Variants in PLEKHA8 observed in about 807,000 individuals in gnomAD.
PLEKHA8 encodes the protein pleckstrin homology domain-containing family A member 8.
In PLEKHA8, 36 loss-of-function variants were observed where a neutral mutation model predicts 68.2. The observed-to-expected ratio is 0.53, with a 90% CI of 0.40 to 0.70. The LOEUF (loss-of-function observed/expected upper bound fraction) is 0.70. Ranked by LOEUF, PLEKHA8 falls within the 30% of genes least tolerant of loss-of-function variation. The probability of loss-of-function intolerance (pLI) is 0.00; values close to 1 mark genes in which losing one functional copy is unlikely to be tolerated. For synonymous variants in PLEKHA8, 211 were observed against 216.1 expected (o/e 0.98, Z 0.20); for missense variants, 505 against 615.4 (o/e 0.82, Z 1.90).
chr7:30,040,691 G>C (rs146195064), intron 1 of PLEKHA8, among the ~76,000 whole-genome samples: 1 of 152,186 alleles, frequency 6.6e-6, no homozygotes, highest in Admixed American at 6.5e-5. Flanking sequence ...TATGCTTTCT[G>C]TAGTGAAACA....
chr7:30,060,457 A>G (rs1159778604), intron 9 of PLEKHA8, among the ~76,000 whole-genome samples: 2 of 152,128 alleles, frequency 1.3e-5, no homozygotes. Flanking sequence ...AAACAAACCG[A>G]AAGAATCATT....
intron 13 of PLEKHA8, among the ~76,000 whole-genome samples, chr7:30,123,101 C>G (rs1475571891): frequency 6.6e-6 from 1 of 152,160 alleles, no homozygotes; most frequent in Non-Finnish European, 1.5e-5. Context: ...CTAGAACCCA[C>G]CTCTCCATTT....
intron 6 of PLEKHA8, among the ~76,000 whole-genome samples, chr7:30,051,395 G>GGTT (rs1792397479): frequency 6.8e-6 from 1 of 146,394 alleles, no homozygotes; most frequent in Non-Finnish European, 1.5e-5. Context: ...GTTGAAATAT[G>GGTT]GTTTTTTTTT....
Position 30,084,233 on chromosome 7 carries a change from T to G in PLEKHA8, c.*5446T>G, listed in dbSNP as rs911117266. The stretch of plus-strand genomic sequence containing the variant: ...ACATAGATTTCCTTGGATTAATTTT[T>G]AAGTCACTGTTTAATTCCATGCCTA... On this transcript the variant is annotated 3_prime_UTR_variant, in exon 14 of 14. Transcript: ENST00000449726. 50 of 985,216 alleles carry G rather than the reference T, an allele frequency of 5.1e-5. No individual in the cohort carries two copies. Among genetic ancestry groups the G allele is most frequent in the Non-Finnish European group, 5.8e-5 (48 of 829,820 alleles). The allele number at this position is 985,216 out of a possible 1,614,324, so 61.0% of individuals were successfully genotyped here.
At chr7:30,110,262 T>C (rs1796226753) in intron 13 of PLEKHA8, among the ~76,000 whole-genome samples, 1 of 152,220 alleles carries the variant, frequency 6.6e-6, no homozygotes, top group African/African-American at 2.4e-5. Flanking sequence ...ATAAATGGAA[T>C]CATACAATGT....
chr7:30,064,415 T>G (rs149322105), intron 12 of PLEKHA8, among the ~76,000 whole-genome samples: 1 of 152,216 alleles, frequency 6.6e-6, no homozygotes, highest in African/African-American at 2.4e-5. Context: ...TGGTGTTGCG[T>G]GCCTGTAGTC....
chr7:30,056,339 A>C (rs1195589055), intron 9 of PLEKHA8, among the ~76,000 whole-genome samples: 6 of 124,566 alleles, frequency 4.8e-5, no homozygotes, highest in African/African-American at 1.8e-4. Context: ...TATAAATAAC[A>C]TATATATAAT....
intron 11 of PLEKHA8, among the ~76,000 whole-genome samples, chr7:30,062,417 G>A (rs939217941): frequency 2.0e-5 from 3 of 152,148 alleles, no homozygotes; most frequent in African/African-American, 7.2e-5. Flanking sequence ...CCCAGGTGAT[G>A]CTAAAGCCAC....
At chr7:30,055,933 A>G (rs1792810619) in intron 9 of PLEKHA8, among the ~76,000 whole-genome samples, 1 of 148,490 alleles carries the variant, frequency 6.7e-6, no homozygotes, top group Non-Finnish European at 1.5e-5. Flanking sequence ...ATACCCAACC[A>G]AAACATATTT....
At chr7:30,063,100 C>T (rs184378071) in intron 12 of PLEKHA8, among the ~76,000 whole-genome samples, 71 of 152,198 alleles carry the variant, frequency 4.7e-4, no homozygotes, top group African/African-American at 1.6e-3. Flanking sequence ...AAAGCTTGAA[C>T]ACCATAACAG....
At chr7:30,072,012 A>G (rs1361870460) in intron 12 of PLEKHA8, 2 of 152,200 alleles carry the variant, frequency 1.3e-5, no homozygotes, top group African/African-American at 4.8e-5. Flanking sequence ...CTTGTATGCC[A>G]TCTGAAATTT....
intron 6 of PLEKHA8, chr7:30,050,891 A>G (rs1442090288): frequency 6.6e-6 from 1 of 152,640 alleles, no homozygotes; most frequent in East Asian, 1.9e-4. Flanking sequence ...AAAATAACCT[A>G]CTATCAAAAT....
At chr7:30,063,045 A>G (rs1280099404) in intron 12 of PLEKHA8, among the ~76,000 whole-genome samples, 2 of 152,238 alleles carry the variant, frequency 1.3e-5, no homozygotes, top group East Asian at 1.9e-4. Context: ...TAGTTTTCCT[A>G]AATCTTCAAA....
chr7:30,092,491 C>T (rs1795456601), downstream of PLEKHA8, among the ~76,000 whole-genome samples: 1 of 152,100 alleles, frequency 6.6e-6, no homozygotes, highest in African/African-American at 2.4e-5. Context: ...CTTGCCTGAG[C>T]CCCGGAGCCA....
At chr7:30,075,096 A>G (rs1215272754) in intron 13 of PLEKHA8, 1 of 152,200 alleles carries the variant, frequency 6.6e-6, no homozygotes, top group Non-Finnish European at 1.5e-5. Flanking sequence ...AGCCTTGCAG[A>G]TGGTATCTTT....
chr7:30,125,864 AT>A (rs889262323), intron 13 of PLEKHA8, among the ~76,000 whole-genome samples: 2 of 152,090 alleles, frequency 1.3e-5, no homozygotes, highest in African/African-American at 4.8e-5. Context: ...TATAAATCAG[AT>A]TTTTTTAATG....
chr7:30,039,772 C>G (rs1214787424), intron 1 of PLEKHA8, among the ~76,000 whole-genome samples: 2 of 152,074 alleles, frequency 1.3e-5, no homozygotes, highest in Non-Finnish European at 2.9e-5. Flanking sequence ...GTGAGTAGAG[C>G]TAGGTTTGCT....
rs755309982 is a variant in PLEKHA8 at position 30,078,742 on chromosome 7, C to T, written c.1515C>T (p.Asp505=). 42 of 1,613,654 alleles carry T rather than the reference C, an allele frequency of 2.6e-5. No individual in the cohort carries two copies. The South Asian group carries it at 3.5e-4, about 13-fold the overall frequency. Residue 505 remains aspartate (D), a synonymous_variant, in exon 14 of 14, where the codon GAC becomes GAT. Coordinates refer to ENST00000449726, the MANE Select transcript of PLEKHA8 (RefSeq NM_001197026.2). ...PAMEKQLAIL[D]TLYEVHGLES... ...TGGAGAAGCAGCTGGCCATACTGGA[C>T]ACTTTATATGAGGTCCACGGGCTGG...
chr7:30,059,040 G>A (rs1210294892), intron 9 of PLEKHA8, among the ~76,000 whole-genome samples: 1 of 152,218 alleles, frequency 6.6e-6, no homozygotes, highest in Non-Finnish European at 1.5e-5. Flanking sequence ...AGAATCACAC[G>A]AGCCTGGGAT....
Sources: allele counts gnomAD v4.1 joint callset (sites outside exome capture counted in the v4.1 genomes callset), GRCh38; gene constraint gnomAD v4.1.1; transcripts MANE v1.5; gene names NCBI Gene and HGNC (gene_info 2026-07-23, HGNC 2026-07-21).